The following DLG5 variants were observed in gnomAD, a reference collection of about 807,000 sequenced individuals.
The protein encoded by DLG5 is disks large homolog 5.
DLG5 carries 48 observed loss-of-function variants against 189.8 expected under a neutral mutation model. That is an observed-to-expected ratio of 0.25 (90% CI 0.20 to 0.32). The LOEUF is 0.32. Among genes scored for constraint, DLG5 ranks in the 10% least tolerant of loss-of-function variants. The pLI is 1.00. For synonymous variants in DLG5, 1,016 were observed against 1,054.1 expected (o/e 0.96, Z 0.70); for missense variants, 2,160 against 2,544.7 (o/e 0.85, Z 3.25).
At chr10:77,819,492 C>T (rs201830915) in intron 16 of DLG5, 27 bp from the exon 17 acceptor site, 100 of 1,602,864 alleles carry the variant, frequency 6.2e-5, no homozygotes, top group East Asian at 6.7e-5. Flanking sequence ...TGAGAAAAGA[C>T]GCCCCAAAGG....
At chr10:77,890,039 A>G (rs1845560173) in intron 1 of DLG5, among the ~76,000 whole-genome samples, 1 of 152,188 alleles carries the variant, frequency 6.6e-6, no homozygotes, top group African/African-American at 2.4e-5. Flanking sequence ...CTCAGCACAA[A>G]GCCACAACAA....
intron 2 of DLG5, chr10:77,867,087 G>A (rs748814253): frequency 1.1e-5 from 5 of 456,726 alleles, no homozygotes; most frequent in African/African-American, 2.0e-5. Context: ...CGGCTCCATC[G>A]CAAGGACTGA....
At position 77,872,202 on chromosome 10, in the gene DLG5, G is replaced by A. The variant is rs1050501797; in HGVS notation, c.305-3005C>T. ...GCGCTCCAGATGCCTCTGCTGGAAC[G>A]CTCCCCTCTTTCTTACTCTTGGCAT... On this transcript the variant is annotated intron_variant, in intron 1 of 31. Transcript: ENST00000372391. Among the ~76,000 whole-genome samples the A allele has an allele frequency of 4.6e-5, 7 of 152,162 alleles. 1 individual carries two copies. The highest frequency in any genetic ancestry group is 4.1e-4 in the South Asian group (2 of 4,822).
At chr10:77,830,383 C>T (rs759878783) in intron 10 of DLG5, 39 bp from the exon 11 acceptor site, 2 of 1,613,482 alleles carry the variant, frequency 1.2e-6, no homozygotes, top group Non-Finnish European at 1.7e-6. Flanking sequence ...TTTCACAAAG[C>T]AGTGACAGAG....
intron 1 of DLG5, among the ~76,000 whole-genome samples, chr10:77,922,072 T>A (rs1465574324): frequency 6.6e-6 from 1 of 152,196 alleles, no homozygotes; most frequent in Non-Finnish European, 1.5e-5. Context: ...ACCTGTCTCA[T>A]AATGTCACTC....
At chr10:77,822,147 G>A in intron 14 of DLG5, 46 bp from the exon 15 acceptor site, 1 of 1,562,834 alleles carries the variant, frequency 6.4e-7, no homozygotes, top group East Asian at 2.3e-5. Context: ...GAGATGGCAG[G>A]ACTTGGAGCT....
chr10:77,821,447 G>A lies in DLG5; in HGVS notation c.3037C>T (p.Pro1013Ser), dbSNP rs1211516374. The A allele has an allele frequency of 6.2e-7, 1 of 1,612,918 alleles. No homozygotes were observed. The highest frequency in any genetic ancestry group is 8.5e-7 in the Non-Finnish European group (1 of 1,179,992). Residue 1013 changes from proline (P) to serine (S), a missense_variant, in exon 15 of 32, where the codon CCA (proline) becomes TCA (serine). This residue lies in a region of DLG5 where 754 missense variants were observed against 746.5 expected (regional missense o/e 1.01). Coordinates refer to ENST00000372391, the MANE Select transcript of DLG5 (RefSeq NM_004747.4). Reference protein sequence around the residue: ...PSKRAGPLTPPKPPRRSDSIK... With the variant: ...PSKRAGPLTPSKPPRRSDSIK... ...GAGTCGCTCCTTCTGGGAGGTTTTG[G>A]GGGTGTCAGAGGCCCCGCCCTCTTG...
chr10:77,816,495 C>T (rs901301089), intron 20 of DLG5, 56 bp downstream of exon 20: 26 of 1,611,660 alleles, frequency 1.6e-5, no homozygotes, highest in Admixed American at 1.5e-4. Flanking sequence ...GGCCCGCTGC[C>T]GGGATGCACA....
At chr10:77,861,800 T>C (rs1844482926) in intron 2 of DLG5, among the ~76,000 whole-genome samples, 1 of 152,158 alleles carries the variant, frequency 6.6e-6, no homozygotes. Flanking sequence ...TCCACAACAA[T>C]GCCTCCTAAT....
intron 13 of DLG5, among the ~76,000 whole-genome samples, chr10:77,825,916 T>TGTGGA (rs1361556870): frequency 6.6e-6 from 1 of 152,180 alleles, no homozygotes; most frequent in Non-Finnish European, 1.5e-5. Context: ...TAAATTAATT[T>TGTGGA]GTGGTTTTTT....
In DLG5 at chr10:77,821,327, G is replaced by A; in HGVS notation, c.3157C>T (p.Pro1053Ser). The A allele has an allele frequency of 1.2e-6, 2 of 1,613,248 alleles. No homozygotes were observed. The highest frequency in any genetic ancestry group is 1.7e-6 in the Non-Finnish European group (2 of 1,180,010). Reference sequence around the variant, plus strand: ...ATGGGCTCCCCGGGGTCCACGTCAGGGGGCAGGGCGCTCGGGGGACTAGTG... The same window carrying A: ...ATGGGCTCCCCGGGGTCCACGTCAGAGGGCAGGGCGCTCGGGGGACTAGTG... Reference protein sequence around the residue: ...PSTSPPSALPPDVDPGEPMHA... With the variant: ...PSTSPPSALPSDVDPGEPMHA... The change falls in exon 15 of 32, where the codon CCT (proline) becomes TCT (serine). Residue 1053 changes from proline (P) to serine (S), a missense_variant. Pro to Ser is a moderately conservative substitution (Grantham distance 74). Around this residue, in one of 5 missense-constraint regions of DLG5, gnomAD observed 754 missense variants for 746.5 expected, o/e 1.01. Coordinates refer to ENST00000372391, the MANE Select transcript of DLG5 (RefSeq NM_004747.4).
intron 1 of DLG5, among the ~76,000 whole-genome samples, chr10:77,898,269 C>T (rs115408667): frequency 5.3e-5 from 8 of 152,356 alleles, no homozygotes; most frequent in Non-Finnish European, 7.3e-5. Context: ...CTCTACCACA[C>T]GTGGACTCTG....
Position 77,830,215 on chromosome 10 carries a change from A to C in DLG5, c.2009+2T>G, listed in dbSNP as rs1243392197. 6.2e-7 allele frequency: 1 copy of C among 1,614,020 alleles called. No individual in the cohort carries two copies. Reference sequence around the variant, plus strand: ...CTCCAGAGCCTGGGCCTCAACTCTTACCTTAAGCGGCCATCAGCAATGCTT... The same window carrying C: ...CTCCAGAGCCTGGGCCTCAACTCTTCCCTTAAGCGGCCATCAGCAATGCTT... On this transcript the variant is annotated splice_donor_variant, in intron 11 of 31. Coordinates refer to ENST00000372391, the MANE Select transcript of DLG5 (RefSeq NM_004747.4). LOFTEE classifies it high-confidence loss of function.
intron 27 of DLG5, among the ~76,000 whole-genome samples, chr10:77,803,886 A>ATT (rs71030905): frequency 9.3e-5 from 12 of 129,444 alleles, no homozygotes; most frequent in African/African-American, 1.5e-4. Context: ...ACAGGTTGGC[A>ATT]TTTTTTTTTT....
chr10:77,868,223 T>C (rs1037072626), intron 2 of DLG5: 9 of 414,848 alleles, frequency 2.2e-5, no homozygotes, highest in Admixed American at 1.5e-4. Flanking sequence ...ACTCGCCGGC[T>C]GGTCACTGTC....
rs113902110 is a variant in DLG5, at chr10:77,794,542, C to T, written c.5546+307G>A. 7.3e-3 allele frequency among the ~76,000 whole-genome samples: 1,108 copies of T among 152,246 alleles called. 10 individuals carry two copies. The highest frequency in any genetic ancestry group is 9.7e-3 in the Non-Finnish European group (659 of 68,004). On this transcript the variant is annotated intron_variant, in intron 30 of 31. Transcript: ENST00000372391. The stretch of plus-strand genomic sequence containing the variant: ...TCCCCTGCTCCTAAGCAGCACGTAG[C>T]GAGGAAAGGGGGCTGGGGCAGGAGA...
At chr10:77,803,659 G>A (rs1276410839) in intron 27 of DLG5, among the ~76,000 whole-genome samples, 1 of 152,030 alleles carries the variant, frequency 6.6e-6, no homozygotes. Context: ...TGTATCTAAC[G>A]ACAACTTCAA....
chr10:77,847,109 C>T (rs1055139968), intron 5 of DLG5, among the ~76,000 whole-genome samples: 1 of 152,140 alleles, frequency 6.6e-6, no homozygotes, highest in Non-Finnish European at 1.5e-5. Context: ...AGGCTGCCAG[C>T]AAGGGCCGTG....
chr10:77,863,902 A>G (rs1047581805), intron 2 of DLG5, among the ~76,000 whole-genome samples: 8 of 152,210 alleles, frequency 5.3e-5, no homozygotes, highest in Admixed American at 3.3e-4. Flanking sequence ...ACAGGAAGAC[A>G]CAGCCCTGCC....
Sources: gnomAD v4.1 joint callset for allele counts (sites outside exome capture counted in the v4.1 genomes callset) on GRCh38, gnomAD v4.1.1 for gene constraint, gnomAD v4.1.1 regional missense constraint, MANE v1.5 for transcripts, NCBI Gene and HGNC (gene_info 2026-07-23, HGNC 2026-07-21) for gene names.